DCDC1: variants seen among roughly 807,000 people sequenced by gnomAD.
DCDC1 encodes the protein doublecortin domain containing 1.
In DCDC1, 200 loss-of-function variants were observed where a neutral mutation model predicts 178.3. The ratio of observed to expected loss-of-function variants is 1.12; its 90% CI spans 1.00 to 1.26. DCDC1 has a LOEUF of 1.26. DCDC1 is among the 50% of genes most tolerant of loss of function. The pLI, the probability that DCDC1 is intolerant of heterozygous loss-of-function variation, is 0.00. For synonymous variants in DCDC1, 690 were observed against 604.8 expected (o/e 1.14, Z -2.07); for missense variants, 1,983 against 1,749.2 (o/e 1.13, Z -2.38).
intron 17 of DCDC1, among the ~76,000 whole-genome samples, chr11:31,086,681 G>A (rs963735371): frequency 1.3e-5 from 2 of 152,024 alleles, no homozygotes; most frequent in Admixed American, 6.6e-5. Context: ...ACAGTTTTAG[G>A]TTTTACATTT....
intron 9 of DCDC1, among the ~76,000 whole-genome samples, chr11:31,181,804 G>T (rs1255371281): frequency 6.6e-6 from 1 of 151,906 alleles, no homozygotes; most frequent in East Asian, 1.9e-4. Context: ...ACCAGAATGA[G>T]CATGTTCTAA....
chr11:31,049,244 T>C lies in DCDC1; in HGVS notation c.2591+15225A>G, dbSNP rs1439691099. Reference sequence around the variant, plus strand: ...ATAGAAAGGAATAAAGACGGTAACTTGACAGGCCATGAAGTCAAACAAACC... The same window carrying C: ...ATAGAAAGGAATAAAGACGGTAACTCGACAGGCCATGAAGTCAAACAAACC... On this transcript the variant is annotated intron_variant, in intron 20 of 38. Transcript: ENST00000684477. Among the ~76,000 whole-genome samples, 6 of 152,184 alleles carry C rather than the reference T, an allele frequency of 3.9e-5. No homozygotes were observed. In the East Asian group the frequency reaches 1.2e-3, roughly 29 times the overall value.
rs531650550 is a variant in DCDC1 at position 31,218,684 on chromosome 11, A to G, written c.1221+22766T>C. Among the ~76,000 whole-genome samples, 3 of 152,326 alleles carry G rather than the reference A, an allele frequency of 2.0e-5. No homozygotes were observed. The East Asian group carries it at 5.8e-4, about 29-fold the overall frequency. On this transcript the variant is annotated intron_variant, in intron 9 of 38. Transcript: ENST00000684477. ...GTAACAGCTAAATGTCAAACAGATG[A>G]TAAGTTGGAGAGGATTAAAAACTCA...
chr11:30,995,534 G>A (rs1271400981), intron 20 of DCDC1, among the ~76,000 whole-genome samples: 1 of 152,112 alleles, frequency 6.6e-6, no homozygotes, highest in East Asian at 1.9e-4. Flanking sequence ...GATCAACGTA[G>A]TGTGGTATTA....
At chr11:31,287,670 G>C (rs928447633) in intron 7 of DCDC1, among the ~76,000 whole-genome samples, 2 of 151,860 alleles carry the variant, frequency 1.3e-5, no homozygotes, top group African/African-American at 4.8e-5. Context: ...ATTAATATTT[G>C]AAAGAAAAAA....
intron 9 of DCDC1, among the ~76,000 whole-genome samples, chr11:31,149,876 C>G (rs1031164747): frequency 6.6e-6 from 1 of 152,124 alleles, no homozygotes; most frequent in Non-Finnish European, 1.5e-5. Context: ...TAACACTTGC[C>G]GCAAGGGTCC....
chr11:31,200,996 T>C (rs902662481), intron 9 of DCDC1, among the ~76,000 whole-genome samples: 1 of 151,740 alleles, frequency 6.6e-6, no homozygotes, highest in African/African-American at 2.4e-5. Flanking sequence ...TCTAATTGGC[T>C]CTTCCTACTT....
chr11:30,946,987 C>T (rs1026726724), intron 21 of DCDC1, among the ~76,000 whole-genome samples: 3 of 152,074 alleles, frequency 2.0e-5, no homozygotes, highest in South Asian at 4.1e-4. Flanking sequence ...TCACTGAAAA[C>T]GTAAACCATA....
intron 36 of DCDC1, among the ~76,000 whole-genome samples, chr11:30,888,098 A>AGG (rs1943396951): frequency 9.5e-6 from 1 of 105,426 alleles, no homozygotes; most frequent in Admixed American, 1.1e-4. Context: ...GAAAGAAAGA[A>AGG]AAAGAAAGAA....
At chr11:31,257,566 G>A (rs1012125377) in intron 8 of DCDC1, among the ~76,000 whole-genome samples, 1 of 152,038 alleles carries the variant, frequency 6.6e-6, no homozygotes, top group Non-Finnish European at 1.5e-5. Flanking sequence ...ATTATGATCA[G>A]AATAGAACAG....
intron 9 of DCDC1, among the ~76,000 whole-genome samples, chr11:31,181,023 G>A (rs1266334919): frequency 6.6e-6 from 1 of 152,104 alleles, no homozygotes; most frequent in Non-Finnish European, 1.5e-5. Context: ...CTCAAGCTTG[G>A]TGGGGTGAGG....
chr11:30,926,819 G>A (rs1435902216), intron 22 of DCDC1, among the ~76,000 whole-genome samples: 1 of 152,096 alleles, frequency 6.6e-6, no homozygotes, highest in Non-Finnish European at 1.5e-5. Context: ...AAAACAGGCT[G>A]GGTATGGTGG....
chr11:30,984,772 C>T (rs1357969576), intron 20 of DCDC1, among the ~76,000 whole-genome samples: 3 of 152,156 alleles, frequency 2.0e-5, no homozygotes, highest in African/African-American at 4.8e-5. Flanking sequence ...TAAAAACCAG[C>T]CTGTCTCTCA....
chr11:31,274,699 CT>C (rs72501499), intron 7 of DCDC1, among the ~76,000 whole-genome samples: 87,902 of 131,954 alleles, frequency 0.67, 30,136 homozygotes, highest in East Asian at 0.94. Flanking sequence ...TCACAAATGT[CT>C]TTTTTTTTTT....
intron 2 of DCDC1, among the ~76,000 whole-genome samples, chr11:31,330,115 C>T (rs1305723274): frequency 6.6e-6 from 1 of 152,148 alleles, no homozygotes; most frequent in Non-Finnish European, 1.5e-5. Flanking sequence ...GATGGTATCT[C>T]ATTGTGGTTT....
intron 18 of DCDC1, among the ~76,000 whole-genome samples, chr11:31,067,274 A>G (rs1022553209): frequency 1.3e-5 from 2 of 152,314 alleles, no homozygotes; most frequent in Admixed American, 1.3e-4. Flanking sequence ...CGATGAAAAT[A>G]CAAGAAAAGG....
At chr11:30,948,567 A>G (rs1318008157) in intron 21 of DCDC1, among the ~76,000 whole-genome samples, 1 of 152,204 alleles carries the variant, frequency 6.6e-6, no homozygotes, top group Non-Finnish European at 1.5e-5. Flanking sequence ...AGCTAAAAGA[A>G]CAAAGCTGGA....
intron 20 of DCDC1, among the ~76,000 whole-genome samples, chr11:31,044,158 A>T (rs1370479579): frequency 2.0e-5 from 3 of 152,078 alleles, no homozygotes; most frequent in Non-Finnish European, 2.9e-5. Flanking sequence ...CCAGTTGGCG[A>T]CAGAAGGAAA....
chr11:31,026,155 C>CA (rs1953217266), intron 20 of DCDC1, among the ~76,000 whole-genome samples: 2 of 151,646 alleles, frequency 1.3e-5, no homozygotes, highest in African/African-American at 4.8e-5. Flanking sequence ...TAAAAGGAAG[C>CA]ATAAAGAGCT....
Sources: allele counts gnomAD v4.1 joint callset (sites outside exome capture counted in the v4.1 genomes callset), GRCh38; gene constraint gnomAD v4.1.1; transcripts MANE v1.5; gene names NCBI Gene and HGNC (gene_info 2026-07-23, HGNC 2026-07-21).